SDK1: variants seen among roughly 807,000 people sequenced by gnomAD.
SDK1 encodes protein sidekick-1.
SDK1 carries 157 observed loss-of-function variants against 245.5 expected under a neutral mutation model. The observed-to-expected ratio is 0.64, with a 90% CI of 0.56 to 0.73. The LOEUF (loss-of-function observed/expected upper bound fraction) is 0.73. SDK1 is among the 30% of genes least tolerant of loss of function. The probability of loss-of-function intolerance (pLI) is 0.00; values close to 1 mark genes in which losing one functional copy is unlikely to be tolerated. For synonymous variants in SDK1, 1,647 were observed against 1,278.5 expected (o/e 1.29, Z -6.15); for missense variants, 3,583 against 3,002.3 (o/e 1.19, Z -4.52).
intron 1 of SDK1, among the ~76,000 whole-genome samples, chr7:3,477,470 G>A (rs997630258): frequency 7.3e-5 from 11 of 150,476 alleles, no homozygotes; most frequent in African/African-American, 9.7e-5. Context: ...GGGATTACAC[G>A]TGTGAGCCAC....
intron 4 of SDK1, among the ~76,000 whole-genome samples, chr7:3,817,110 A>C (rs2115054746): frequency 6.6e-6 from 1 of 152,324 alleles, no homozygotes; most frequent in South Asian, 2.1e-4. Context: ...GTAAGTGTTA[A>C]AGAGCAAAAT....
intron 1 of SDK1, among the ~76,000 whole-genome samples, chr7:3,473,217 C>T (rs1781238785): frequency 6.6e-6 from 1 of 152,140 alleles, no homozygotes; most frequent in South Asian, 2.1e-4. Context: ...GGAGCAGGAC[C>T]TCAAACCCAA....
chr7:4,171,678 A>G (rs1233870450), intron 32 of SDK1, among the ~76,000 whole-genome samples: 1 of 152,170 alleles, frequency 6.6e-6, no homozygotes, highest in Non-Finnish European at 1.5e-5. Flanking sequence ...GGGTAAAGAG[A>G]GAAAAGGAAA....
intron 1 of SDK1, among the ~76,000 whole-genome samples, chr7:3,546,804 T>G (rs1276383538): frequency 6.6e-6 from 1 of 152,184 alleles, no homozygotes; most frequent in Non-Finnish European, 1.5e-5. Context: ...GTTTATCTTT[T>G]CTTGGACTCA....
At chr7:3,972,984 A>G (rs1782609225) in intron 12 of SDK1, among the ~76,000 whole-genome samples, 1 of 152,178 alleles carries the variant, frequency 6.6e-6, no homozygotes, top group Non-Finnish European at 1.5e-5. Context: ...AATGATTTGG[A>G]GTATGACTTC....
intron 4 of SDK1, among the ~76,000 whole-genome samples, chr7:3,751,605 G>C (rs1779773876): frequency 6.6e-6 from 1 of 152,158 alleles, no homozygotes; most frequent in Admixed American, 6.5e-5. Context: ...GGACAATTCT[G>C]ATAGCCACAC....
At chr7:3,373,491 A>T (rs1781278037) in intron 1 of SDK1, among the ~76,000 whole-genome samples, 2 of 152,206 alleles carry the variant, frequency 1.3e-5, no homozygotes, top group African/African-American at 4.8e-5. Flanking sequence ...TCCCTTAGTA[A>T]AAGGATTGAA....
At chr7:3,313,388 G>A (rs1190779813) in intron 1 of SDK1, among the ~76,000 whole-genome samples, 1 of 152,084 alleles carries the variant, frequency 6.6e-6, no homozygotes, top group South Asian at 2.1e-4. Context: ...GCCTGGCGAC[G>A]GAGCGAGACT....
chr7:4,079,363 C>CGT, intron 21 of SDK1, 100 bp from the exon 22 acceptor site: 3 of 1,386,796 alleles, frequency 2.2e-6, no homozygotes, highest in African/African-American at 2.9e-5. Flanking sequence ...GGTATAGAAT[C>CGT]GTTTTGAAAC....
intron 1 of SDK1, among the ~76,000 whole-genome samples, chr7:3,477,545 C>A (rs1781386397): frequency 7.0e-6 from 1 of 143,326 alleles, no homozygotes; most frequent in African/African-American, 2.6e-5. Flanking sequence ...ATGGGGGTCT[C>A]ACTCTGTCCA....
At chr7:3,612,810 T>A (rs1781643553) in intron 1 of SDK1, among the ~76,000 whole-genome samples, 1 of 152,188 alleles carries the variant, frequency 6.6e-6, no homozygotes. Flanking sequence ...TCCTCCCGGC[T>A]GGACTCGCAC....
intron 1 of SDK1, among the ~76,000 whole-genome samples, chr7:3,615,462 ACTC>A (rs1248904048): frequency 6.6e-6 from 1 of 151,560 alleles, no homozygotes; most frequent in Admixed American, 6.6e-5. Flanking sequence ...AGGCTCGACA[ACTC>A]CTGACTTTGA....
intron 1 of SDK1, among the ~76,000 whole-genome samples, chr7:3,481,549 G>A (rs1781523250): frequency 6.6e-6 from 1 of 152,170 alleles, no homozygotes; most frequent in African/African-American, 2.4e-5. Context: ...GAGAAACGAG[G>A]GCAAAGAATT....
At chr7:3,558,814 A>G (rs558540227) in intron 1 of SDK1, among the ~76,000 whole-genome samples, 44 of 152,364 alleles carry the variant, frequency 2.9e-4, no homozygotes, top group African/African-American at 9.6e-4. Flanking sequence ...AAGGCAGTCT[A>G]TATTAGAGAC....
At chr7:3,891,291 C>T (rs909719555) in intron 5 of SDK1, among the ~76,000 whole-genome samples, 1 of 152,026 alleles carries the variant, frequency 6.6e-6, no homozygotes, top group Non-Finnish European at 1.5e-5. Flanking sequence ...CTTTCCAGGC[C>T]GTGGTTTTCG....
intron 14 of SDK1, among the ~76,000 whole-genome samples, chr7:4,002,601 T>C (rs988166580): frequency 6.6e-6 from 1 of 152,192 alleles, no homozygotes; most frequent in Non-Finnish European, 1.5e-5. Context: ...ATACTCTTTA[T>C]TTTCCAAAAA....
At chr7:3,758,693 C>G (rs889133066) in intron 4 of SDK1, among the ~76,000 whole-genome samples, 2 of 152,154 alleles carry the variant, frequency 1.3e-5, no homozygotes, top group Admixed American at 6.5e-5. Context: ...TGCACCCGCC[C>G]AGAGTCAGCC....
chr7:4,105,881 C>T (rs998299110), intron 22 of SDK1, among the ~76,000 whole-genome samples: 2 of 152,110 alleles, frequency 1.3e-5, no homozygotes, highest in South Asian at 2.1e-4. Context: ...TTGGAGACTG[C>T]GTGATGCCTC....
At chr7:4,238,484 G>T (rs1467401612) in intron 42 of SDK1, among the ~76,000 whole-genome samples, 1 of 152,106 alleles carries the variant, frequency 6.6e-6, no homozygotes, top group Non-Finnish European at 1.5e-5. Flanking sequence ...GATCACCTGA[G>T]CCTAGGAGAT....
Sources: gnomAD v4.1 joint callset for allele counts (sites outside exome capture counted in the v4.1 genomes callset) on GRCh38, gnomAD v4.1.1 for gene constraint, MANE v1.5 for transcripts, NCBI Gene and HGNC (gene_info 2026-07-23, HGNC 2026-07-21) for gene names.